The following ECPAS variants were observed in gnomAD, a reference collection of about 807,000 sequenced individuals.
ECPAS encodes proteasome adapter and scaffold protein ECM29.
A neutral mutation model predicts 255.1 loss-of-function variants in ECPAS; 70 were observed. That is an observed-to-expected ratio of 0.27 (90% CI 0.23 to 0.33). ECPAS has a LOEUF of 0.33. ECPAS is among the 10% of genes least tolerant of loss of function. ECPAS has a pLI of 1.00. For missense variants in ECPAS, 1,817 were observed against 2,206.4 expected, an observed-to-expected ratio of 0.82 and a Z score of 3.54; for synonymous variants, 784 against 775.0, an observed-to-expected ratio of 1.01 and a Z score of -0.19.
intron 24 of ECPAS, among the ~76,000 whole-genome samples, chr9:111,399,226 C>G (rs2098171922): frequency 6.6e-6 from 1 of 152,080 alleles, no homozygotes; most frequent in African/African-American, 2.4e-5. Flanking sequence ...AATCTCATCC[C>G]CTCCCCATCT....
chr9:111,428,044 G>C lies in ECPAS; in HGVS notation c.1048C>G (p.Gln350Glu). The C allele has an allele frequency of 1.9e-6, 3 of 1,612,652 alleles. No individual in the cohort carries two copies. The highest frequency in any genetic ancestry group is 2.5e-6 in the Non-Finnish European group (3 of 1,179,452). ...ATTCTCTGGAAAAAACAAATTACCT[G>C]AATGTTGGCTGGGAACGTTTCAGCA... is the stretch of plus-strand genomic sequence containing the variant. ...QAAETFPANI[Q>E]VVYDGLFGTN... is the part of the protein sequence containing the mutation. The change falls in exon 10 of 50, where the codon CAG becomes GAG. Residue 350 changes from glutamine (Q) to glutamate (E), a missense_variant and splice_region_variant. This residue lies in a region of ECPAS where 573 missense variants were observed against 716.2 expected (regional missense o/e 0.80). Transcript: ENST00000684092.
rs1283864957 is a variant in ECPAS, at chr9:111,378,468, CAG to C, written c.3954+110_3954+111del. ...AACAGTAAAACACTGCATGTGGTGA[CAG>C]AGGGTGAGTTCTGGTAACAGTAGTG... On this transcript the variant is annotated intron_variant, in intron 36 of 49. Coordinates refer to ENST00000684092, the MANE Select transcript of ECPAS (RefSeq NM_001364929.1). 2.8e-6 allele frequency: 3 copies of C among 1,087,574 alleles called. No homozygotes were observed. The African/African-American group carries it at 4.7e-5, about 17-fold the overall frequency. The allele number at this position is 1,087,574 out of a possible 1,614,324, so 67.4% of individuals were successfully genotyped here.
At chr9:111,442,262 T>C in intron 5 of ECPAS, 44 bp downstream of exon 5, 3 of 1,280,326 alleles carry the variant, frequency 2.3e-6, no homozygotes, top group Non-Finnish European at 3.3e-6. Flanking sequence ...AAGGCAGTTG[T>C]TGACTCCTGT....
Position 111,484,236 on chromosome 9 carries a change from GC to G in ECPAS, c.-204del. The G allele has an allele frequency of 6.8e-7, 1 of 1,475,458 alleles. No homozygotes were observed. The highest frequency in any genetic ancestry group is 8.9e-7 in the Non-Finnish European group (1 of 1,119,434). 91.4% of individuals were successfully genotyped at this position (1,475,458 alleles called of 1,614,324 possible). ...AGCCGCGCGCCGCAGTCCGTGAGGG[GC>G]TGGGCCGAGCGGGCCCGGGCTGCCC... On this transcript the variant is annotated 5_prime_UTR_variant, in exon 1 of 50. Transcript: ENST00000684092.
intron 1 of ECPAS, among the ~76,000 whole-genome samples, chr9:111,478,471 G>C (rs1026119324): frequency 1.3e-5 from 2 of 152,052 alleles, no homozygotes; most frequent in Non-Finnish European, 2.9e-5. Context: ...AGGTTGCAGT[G>C]ATCTGAGATT....
chr9:111,375,090 C>T, intron 38 of ECPAS, 23 bp downstream of exon 38: 2 of 1,553,204 alleles, frequency 1.3e-6, no homozygotes, highest in Non-Finnish European at 1.8e-6. Context: ...ATGCACATTT[C>T]CTCTTGTGGA....
chr9:111,482,519 G>A (rs923604715), intron 1 of ECPAS, among the ~76,000 whole-genome samples: 2 of 152,152 alleles, frequency 1.3e-5, no homozygotes, highest in African/African-American at 2.4e-5. Context: ...TGGAAATTCA[G>A]AAGCGGCTTT....
chr9:111,368,253 A>G (rs1408605525), intron 46 of ECPAS, among the ~76,000 whole-genome samples: 4 of 152,190 alleles, frequency 2.6e-5, no homozygotes, highest in Non-Finnish European at 5.9e-5. Context: ...CTGTTCATTT[A>G]ATCTTTGGGA....
intron 2 of ECPAS, among the ~76,000 whole-genome samples, chr9:111,464,957 G>A (rs990522421): frequency 6.6e-6 from 1 of 152,136 alleles, no homozygotes; most frequent in Non-Finnish European, 1.5e-5. Flanking sequence ...GCCAAGGCCA[G>A]TGGATCACCT....
intron 2 of ECPAS, among the ~76,000 whole-genome samples, chr9:111,451,805 G>C (rs983022178): frequency 6.6e-6 from 1 of 152,072 alleles, no homozygotes; most frequent in Non-Finnish European, 1.5e-5. Flanking sequence ...CACATGCAAC[G>C]TTATTCAGTT....
At chr9:111,373,602 G>A (rs907245134) in intron 39 of ECPAS, among the ~76,000 whole-genome samples, 196 bp from the exon 40 acceptor site, 41 of 150,772 alleles carry the variant, frequency 2.7e-4, no homozygotes, top group African/African-American at 9.2e-4. Context: ...CTAGAATATC[G>A]TGGAAAAAGA....
intron 2 of ECPAS, among the ~76,000 whole-genome samples, chr9:111,456,806 C>T (rs576628097): frequency 1.3e-5 from 2 of 152,222 alleles, no homozygotes; most frequent in African/African-American, 4.8e-5. Context: ...CTCTACCATG[C>T]GTAAGAGCTT....
At position 111,444,492 on chromosome 9, in the gene ECPAS, T is replaced by C; in HGVS notation, c.156A>G (p.Val52=). Residue 52 remains valine, a splice_region_variant and synonymous_variant, in exon 4 of 50, where the codon GTA becomes GTG. Coordinates refer to ENST00000684092, the MANE Select transcript of ECPAS (RefSeq NM_001364929.1). ...SSTQEGVRKK[V]MELLVHLNKR... is the part of the protein sequence containing the mutation. Reference sequence around the variant, plus strand: ...TATTCAGATGGACCAGCAGTTCCATTACCTAAAATACAGAGAGATGGGAAC... The same window carrying C: ...TATTCAGATGGACCAGCAGTTCCATCACCTAAAATACAGAGAGATGGGAAC... 3.1e-6 allele frequency: 5 copies of C among 1,591,306 alleles called. No homozygotes were observed. The South Asian group carries it at 3.3e-5, about 11-fold the overall frequency.
At chr9:111,441,380 C>T (rs1417285899) in intron 5 of ECPAS, among the ~76,000 whole-genome samples, 1 of 151,652 alleles carries the variant, frequency 6.6e-6, no homozygotes, top group East Asian at 1.9e-4. Context: ...TAGCAGGCAT[C>T]TGTAATCTCA....
Position 111,435,114 on chromosome 9 carries a change from G to T in ECPAS, c.709-1742C>A, listed in dbSNP as rs561178408. ...GGGTCTCACTCTGTTGCTCAGGCTG[G>T]TCTCGAACTCCTGACCTCAAGTGAT... On this transcript the variant is annotated intron_variant, in intron 7 of 49. Coordinates refer to ENST00000684092, the MANE Select transcript of ECPAS (RefSeq NM_001364929.1). 2.7e-4 allele frequency among the ~76,000 whole-genome samples: 41 copies of T among 151,642 alleles called. 1 individual carries two copies. Among genetic ancestry groups the T allele is most frequent in the Admixed American group, 9.9e-4 (15 of 15,226 alleles).
chr9:111,401,105 C>A (rs1434516713), intron 24 of ECPAS, among the ~76,000 whole-genome samples: 1 of 152,078 alleles, frequency 6.6e-6, no homozygotes, highest in African/African-American at 2.4e-5. Flanking sequence ...ATAACATATT[C>A]AAAGTGCTAA....
At chr9:111,430,937 TGGC>T (rs1422513783) in intron 8 of ECPAS, among the ~76,000 whole-genome samples, 7 of 152,294 alleles carry the variant, frequency 4.6e-5, no homozygotes, top group South Asian at 2.1e-4. Flanking sequence ...CTCAGGCCAA[TGGC>T]ATGGAGCAAC....
chr9:111,374,125 A>G (rs2098130662), intron 38 of ECPAS, 87 bp from the exon 39 acceptor site: 1 of 1,006,654 alleles, frequency 9.9e-7, no homozygotes, highest in South Asian at 1.3e-5. Context: ...AAAAATTTAA[A>G]CATATAAAAT....
At position 111,363,606 on chromosome 9, in the gene ECPAS, G is replaced by A; in HGVS notation, c.5362C>T (p.Leu1788=). ...RTEALSVIEL[L]LKKLEESKQW... ...AACTTACCTTCAAGTTTTTTAAGCA[G>A]CAATTCTATCACAGATAAAGCTTCT... The change falls in exon 49 of 50, where the codon CTG becomes TTG. Residue 1788 remains leucine (L), a synonymous_variant. Coordinates refer to ENST00000684092, the MANE Select transcript of ECPAS (RefSeq NM_001364929.1). 1 of 1,579,260 alleles carries A rather than the reference G, an allele frequency of 6.3e-7. No homozygotes were observed. The highest frequency in any genetic ancestry group is 8.6e-7 in the Non-Finnish European group (1 of 1,157,284).
Sources: allele counts gnomAD v4.1 joint callset (sites outside exome capture counted in the v4.1 genomes callset), GRCh38; gene constraint gnomAD v4.1.1; regional missense constraint gnomAD v4.1.1; transcripts MANE v1.5; gene names NCBI Gene and HGNC (gene_info 2026-07-23, HGNC 2026-07-21).